RGSL1: variants seen among roughly 807,000 people sequenced by gnomAD.
RGSL1 encodes regulator of G protein signaling like 1.
A neutral mutation model predicts 124.7 loss-of-function variants in RGSL1; 97 were observed. The ratio of observed to expected loss-of-function variants is 0.78; its 90% CI spans 0.66 to 0.92. The LOEUF is 0.92. Among genes scored for constraint, RGSL1 ranks in the 40% least tolerant of loss-of-function variants. RGSL1 has a pLI of 0.00. For synonymous variants in RGSL1, 424 were observed against 438.1 expected (o/e 0.97, Z 0.40); for missense variants, 1,233 against 1,288.4 (o/e 0.96, Z 0.66).
intron 4 of RGSL1, chr1:182,460,525 T>C: frequency 2.6e-6 from 1 of 391,946 alleles, no homozygotes; most frequent in Non-Finnish European, 5.0e-6. Flanking sequence ...CCACCTTCAT[T>C]ACTACCAACT....
Position 182,493,018 on chromosome 1 carries a change from A to G in RGSL1, c.1718-4A>G. On this transcript the variant is annotated splice_region_variant and splice_polypyrimidine_tract_variant and intron_variant, in intron 8 of 21. Transcript: ENST00000294854. ...CTCTATCTCTGTTTTTCCTTACTTC[A>G]CAGACATAACTAAAATGTCCTTTGA... The G allele has an allele frequency of 6.5e-7, 1 of 1,539,712 alleles. No homozygotes were observed. The highest frequency in any genetic ancestry group is 8.8e-7 in the Non-Finnish European group (1 of 1,135,918).
chr1:182,452,189 T>C (rs1401803244), intron 1 of RGSL1, among the ~76,000 whole-genome samples: 2 of 152,044 alleles, frequency 1.3e-5, no homozygotes, highest in Non-Finnish European at 2.9e-5. Flanking sequence ...GCCTGATGGA[T>C]ATGCATGTAG....
At chr1:182,521,978 C>T in intron 9 of RGSL1, 26 bp from the exon 10 acceptor site, 1 of 1,425,450 alleles carries the variant, frequency 7.0e-7, no homozygotes, top group Non-Finnish European at 9.6e-7. Flanking sequence ...ATATAGTGTT[C>T]TCCAACTTAG....
chr1:182,513,242 C>T, intron 9 of RGSL1, among the ~76,000 whole-genome samples: 1 of 152,200 alleles, frequency 6.6e-6, no homozygotes, highest in East Asian at 1.9e-4. Context: ...TGACAGGGGG[C>T]ATTGTTTTGG....
At chr1:182,532,538 T>G in intron 13 of RGSL1, 124 bp from the exon 14 acceptor site, 1 of 851,668 alleles carries the variant, frequency 1.2e-6, no homozygotes, top group Non-Finnish European at 1.7e-6. Context: ...GAGCTAAAAA[T>G]TATTCCTTTA....
chr1:182,549,096 A>C lies in RGSL1; in HGVS notation c.2933+272A>C, dbSNP rs192193070. On this transcript the variant is annotated intron_variant, in intron 17 of 21. Coordinates refer to ENST00000294854, the MANE Select transcript of RGSL1 (RefSeq NM_001137669.2). ...TATGCTTGCTTGGAGCAAGAATGTG[A>C]GGTTTTCTTAGGCCTGGGTTTCTCA... The C allele has an allele frequency of 2.6e-4, 81 of 316,416 alleles. No individual in the cohort carries two copies. The East Asian group carries it at 3.9e-3, about 15-fold the overall frequency. 19.6% of individuals were successfully genotyped at this position (316,416 alleles called of 1,614,324 possible). A position where few individuals can be genotyped will look rare whatever the true frequency, so the allele number is the denominator to read the frequency against.
intron 9 of RGSL1, 140 bp downstream of exon 9, chr1:182,493,269 G>A (rs1655667106): frequency 1.6e-6 from 1 of 623,982 alleles, no homozygotes; most frequent in Non-Finnish European, 2.8e-6. Context: ...TGGTTAGGGG[G>A]TAATGACTAT....
chr1:182,509,922 C>G (rs865961419), intron 9 of RGSL1, among the ~76,000 whole-genome samples: 2 of 138,192 alleles, frequency 1.4e-5, no homozygotes, highest in Admixed American at 1.4e-4. Context: ...ACTTCTCAGA[C>G]GGGGTGGTTG....
chr1:182,493,698 A>T (rs1655699816), intron 9 of RGSL1, among the ~76,000 whole-genome samples: 2 of 152,206 alleles, frequency 1.3e-5, no homozygotes. Flanking sequence ...CCTGTGAAGG[A>T]TATAACCTAG....
At chr1:182,523,087 G>A (rs1435118973) in intron 10 of RGSL1, among the ~76,000 whole-genome samples, 5 of 151,476 alleles carry the variant, frequency 3.3e-5, no homozygotes, top group Non-Finnish European at 7.4e-5. Context: ...CCCAGCTGGA[G>A]TGCAGTGGCT....
chr1:182,483,318 T>C (rs1250901007), intron 6 of RGSL1, among the ~76,000 whole-genome samples: 2 of 151,942 alleles, frequency 1.3e-5, no homozygotes, highest in African/African-American at 4.8e-5. Flanking sequence ...GGAGGACAGG[T>C]TTGTGGTATT....
intron 6 of RGSL1, among the ~76,000 whole-genome samples, chr1:182,483,398 A>G (rs1173827008): frequency 1.3e-5 from 2 of 152,154 alleles, no homozygotes; most frequent in Non-Finnish European, 2.9e-5. Flanking sequence ...TTAAATTTCT[A>G]CAGGTTTTTG....
intron 8 of RGSL1, among the ~76,000 whole-genome samples, chr1:182,490,430 T>C (rs1655431587): frequency 6.6e-6 from 1 of 152,206 alleles, no homozygotes. Flanking sequence ...ATCCGGCTCT[T>C]TTTTAAAACT....
At chr1:182,550,725 C>T (rs529356607) in intron 17 of RGSL1, 20 of 186,210 alleles carry the variant, frequency 1.1e-4, no homozygotes, top group Admixed American at 5.8e-4. Context: ...AAAAGCCCTT[C>T]AGACACTCTG....
At position 182,554,657 on chromosome 1, in the gene RGSL1, T is replaced by C. The variant is rs1207411272; in HGVS notation, c.3161T>C (p.Leu1054Pro). Residue 1054 changes from leucine to proline, a missense_variant, in exon 20 of 22, where the codon CTC (leucine) becomes CCC (proline). Physicochemically the swap from Leu to Pro is moderately conservative, Grantham distance 98. Coordinates refer to ENST00000294854, the MANE Select transcript of RGSL1 (RefSeq NM_001137669.2). ...SSSSKLTQPR[L>P]VVSAMQLHPV... is the part of the protein sequence containing the mutation. ...TCAAGCAAACTTACTCAGCCAAGAC[T>C]CGTGGTATCTGCCATGCAGCTGCAT... is the stretch of plus-strand genomic sequence containing the variant. The C allele has an allele frequency of 4.5e-6, 7 of 1,551,726 alleles. No homozygotes were observed. The East Asian group carries it at 1.5e-4, about 33-fold the overall frequency.
In RGSL1 at chr1:182,462,459, T is replaced by G. The variant is rs145097980; in HGVS notation, c.301+2326T>G. Among the ~76,000 whole-genome samples, 322 of 152,214 alleles carry G rather than the reference T, an allele frequency of 2.1e-3. 1 individual carries two copies. The highest frequency in any genetic ancestry group is 7.1e-3 in the African/African-American group (295 of 41,548). ...CTAACATCATAAAATCATAATAAAA[T>G]AATATTTAAAAGCTATCATCATTGT... On this transcript the variant is annotated intron_variant, in intron 4 of 21. Transcript: ENST00000294854.
intron 3 of RGSL1, 86 bp from the exon 4 acceptor site, chr1:182,459,918 G>T: frequency 6.8e-7 from 1 of 1,468,352 alleles, no homozygotes; most frequent in African/African-American, 1.4e-5. Context: ...CAAGTGTGAG[G>T]TGATTAGTTG....
chr1:182,497,417 A>G (rs892372316), intron 9 of RGSL1, among the ~76,000 whole-genome samples: 1 of 151,080 alleles, frequency 6.6e-6, no homozygotes, highest in African/African-American at 2.4e-5. Flanking sequence ...GATATATTAT[A>G]TATCTGAAAA....
Position 182,517,993 on chromosome 1 carries a change from G to A in RGSL1, c.1826-4011G>A, listed in dbSNP as rs77666154. Among the ~76,000 whole-genome samples, 1,460 of 152,212 alleles carry A rather than the reference G, an allele frequency of 9.6e-3. 29 individuals are homozygous for A. The highest frequency in any genetic ancestry group is 0.034 in the African/African-American group (1,395 of 41,544). On this transcript the variant is annotated intron_variant, in intron 9 of 21. Coordinates refer to ENST00000294854, the MANE Select transcript of RGSL1 (RefSeq NM_001137669.2). ...AGAGTTATTTATTCCAGTCTTCTCTGTCTGGCTTGTTTTGTTTTATATTGA... is the reference window on the plus strand; with the variant it reads ...AGAGTTATTTATTCCAGTCTTCTCTATCTGGCTTGTTTTGTTTTATATTGA...
Sources: gnomAD v4.1 joint callset for allele counts (sites outside exome capture counted in the v4.1 genomes callset) on GRCh38, gnomAD v4.1.1 for gene constraint, MANE v1.5 for transcripts, NCBI Gene and HGNC (gene_info 2026-07-23, HGNC 2026-07-21) for gene names.